Variants in PRRC2B observed in about 807,000 individuals in gnomAD.
The protein encoded by PRRC2B is proline rich coiled-coil 2B.
A neutral mutation model predicts 242.3 loss-of-function variants in PRRC2B; 68 were observed. That is an observed-to-expected ratio of 0.28 (90% CI 0.23 to 0.34). PRRC2B has a LOEUF of 0.34. Ranked by LOEUF, PRRC2B falls within the 10% of genes least tolerant of loss-of-function variation. PRRC2B has a pLI of 1.00. For missense variants in PRRC2B, 2,835 were observed against 2,954.8 expected (o/e 0.96, Z 0.94); for synonymous variants, 1,228 against 1,173.6 (o/e 1.05, Z -0.95).
intron 10 of PRRC2B, among the ~76,000 whole-genome samples, chr9:131,457,704 C>T (rs768894017): frequency 6.6e-6 from 1 of 152,088 alleles, no homozygotes; most frequent in Non-Finnish European, 1.5e-5. Context: ...TCCTTTCAGC[C>T]TGTCCTCCAT....
intron 4 of PRRC2B, among the ~76,000 whole-genome samples, chr9:131,437,386 T>C (rs748258594): frequency 1.3e-5 from 2 of 152,214 alleles, no homozygotes; most frequent in Non-Finnish European, 2.9e-5. Context: ...AAGTAATGAT[T>C]TCACCAAGCA....
upstream of PRRC2B, among the ~76,000 whole-genome samples, chr9:131,390,270 C>G (rs1158776577): frequency 6.7e-6 from 1 of 149,910 alleles, no homozygotes; most frequent in African/African-American, 2.4e-5. Context: ...AGCATGGCCC[C>G]AGAGCCTGGC....
At chr9:131,394,424 C>T (rs2131273237) in intron 1 of PRRC2B, among the ~76,000 whole-genome samples, 161 bp downstream of exon 1, 1 of 146,416 alleles carries the variant, frequency 6.8e-6, no homozygotes, top group East Asian at 2.0e-4. Flanking sequence ...GCCGCCGCCT[C>T]CTTCCCGCCG....
chr9:131,489,662 C>T (rs554436661), intron 28 of PRRC2B, among the ~76,000 whole-genome samples: 5 of 152,314 alleles, frequency 3.3e-5, no homozygotes, highest in African/African-American at 1.2e-4. Context: ...CCATGACCTC[C>T]CTTTCTGTGT....
intron 1 of PRRC2B, among the ~76,000 whole-genome samples, chr9:131,399,277 A>C (rs1837156164): frequency 1.3e-5 from 1 of 76,582 alleles, no homozygotes. Flanking sequence ...ATTCTGTCTC[A>C]AAAAAAAAAA....
intron 9 of PRRC2B, among the ~76,000 whole-genome samples, chr9:131,448,543 CAAAAA>C (rs754661321): frequency 0.017 from 672 of 39,868 alleles, 76 homozygotes; most frequent in African/African-American, 0.038. Flanking sequence ...GACACTGTCT[CAAAAA>C]AAAAAAAAAA....
Position 131,430,194 on chromosome 9 carries a change from A to G in PRRC2B, c.50A>G (p.Lys17Arg). 2 of 1,608,772 alleles carry G rather than the reference A, an allele frequency of 1.2e-6. No individual in the cohort carries two copies. Among genetic ancestry groups the G allele is most frequent in the Non-Finnish European group, 1.7e-6 (2 of 1,177,664 alleles). The change falls in exon 2 of 32, where the codon AAG (lysine) becomes AGG (arginine). Residue 17 changes from lysine (K) to arginine (R), a missense_variant. Transcript: ENST00000683519. Reference sequence around the variant, plus strand: ...ACCAAGGGCAAGGATGGGAAAAGCAAGTACTCGACTCTCAGCCTGTTTGAT... The same window carrying G: ...ACCAAGGGCAAGGATGGGAAAAGCAGGTACTCGACTCTCAGCCTGTTTGAT... ...QITKGKDGKSKYSTLSLFDKY... is the reference protein window; with the variant it reads ...QITKGKDGKSRYSTLSLFDKY...
rs769744031 is a variant in PRRC2B at position 131,467,712 on chromosome 9, C to G, written c.1870C>G (p.Leu624Val). The G allele has an allele frequency of 9.3e-6, 15 of 1,613,836 alleles. No homozygotes were observed. Among genetic ancestry groups the G allele is most frequent in the Non-Finnish European group, 1.3e-5 (15 of 1,179,882 alleles). The change falls in exon 13 of 32, where the codon CTT becomes GTT. Residue 624 changes from leucine to valine, a missense_variant. By Grantham distance (32) the Leu-to-Val change is conservative. Around this residue, in one of 7 missense-constraint regions of PRRC2B, gnomAD observed 1,536 missense variants for 1,483.1 expected, o/e 1.04. Transcript: ENST00000683519. ...PAQEFKYQKS[L>V]PPRFQRQQQQ... ...ACAGGAGTTCAAGTATCAGAAGTCC[C>G]TTCCTCCCCGATTCCAGCGCCAGCA...
chr9:131,403,310 TG>T, intron 1 of PRRC2B, among the ~76,000 whole-genome samples: 1 of 152,156 alleles, frequency 6.6e-6, no homozygotes, highest in Non-Finnish European at 1.5e-5. Context: ...TGTTTGTTTT[TG>T]GTAAAATGTT....
chr9:131,388,479 A>C (rs1045028219), intron 1 of PRRC2B, among the ~76,000 whole-genome samples: 2 of 149,514 alleles, frequency 1.3e-5, no homozygotes, highest in African/African-American at 4.9e-5. Context: ...ACCTCAGGTG[A>C]TCCGCGCACC....
intron 14 of PRRC2B, among the ~76,000 whole-genome samples, chr9:131,472,583 T>C (rs1464769096): frequency 6.6e-6 from 1 of 151,628 alleles, no homozygotes; most frequent in African/African-American, 2.4e-5. Context: ...TTCAAGCGAT[T>C]CTCCTGCCTC....
chr9:131,438,434 T>G (rs921370674), intron 4 of PRRC2B, among the ~76,000 whole-genome samples: 5 of 152,274 alleles, frequency 3.3e-5, no homozygotes, highest in African/African-American at 2.4e-5. Flanking sequence ...TGGCGAGTTT[T>G]CAGCAGAGGT....
intron 1 of PRRC2B, among the ~76,000 whole-genome samples, chr9:131,383,600 C>CTTTT (rs561717754): frequency 3.3e-5 from 4 of 120,596 alleles, no homozygotes; most frequent in Admixed American, 9.2e-5. Context: ...TTTGGTTTCT[C>CTTTT]TTTTTTTTTT....
At chr9:131,436,953 A>G (rs1838394905) in intron 4 of PRRC2B, among the ~76,000 whole-genome samples, 1 of 152,180 alleles carries the variant, frequency 6.6e-6, no homozygotes, top group Non-Finnish European at 1.5e-5. Flanking sequence ...GATACAGACT[A>G]GGATACAGGC....
intron 1 of PRRC2B, among the ~76,000 whole-genome samples, chr9:131,410,078 A>G (rs1006759423): frequency 6.6e-6 from 1 of 152,146 alleles, no homozygotes; most frequent in Non-Finnish European, 1.5e-5. Flanking sequence ...CATCTGTCCA[A>G]CTGTTCATCA....
chr9:131,429,261 T>TTGAGTGAGTGAGTGAG (rs36119236), intron 1 of PRRC2B, among the ~76,000 whole-genome samples: 118 of 151,880 alleles, frequency 7.8e-4, no homozygotes, highest in African/African-American at 2.8e-3. Flanking sequence ...GCTTAGTATT[T>TTGAGTGAGTGAGTGAG]TGAGTGAGTG....
rs538186339 is a variant in PRRC2B, at chr9:131,404,654, A to G, written c.-52+10391A>G. Among the ~76,000 whole-genome samples, 162 of 152,094 alleles carry G rather than the reference A, an allele frequency of 1.1e-3. 1 individual carries two copies. Among genetic ancestry groups the G allele is most frequent in the African/African-American group, 3.9e-3 (160 of 41,492 alleles). ...TCCCAGAAAAAAACCCACATTATCCACATGCACGTTTGTATTCTTCAAGCA... is the reference window on the plus strand; with the variant it reads ...TCCCAGAAAAAAACCCACATTATCCGCATGCACGTTTGTATTCTTCAAGCA... On this transcript the variant is annotated intron_variant, in intron 1 of 31. Transcript: ENST00000683519.
rs1020820144 is a variant in PRRC2B, at chr9:131,494,317, C to T, written c.6474-88C>T. 10 of 712,924 alleles carry T rather than the reference C, an allele frequency of 1.4e-5. No homozygotes were observed. In the African/African-American group the frequency reaches 1.6e-4, roughly 12 times the overall value. The allele number at this position is 712,924 out of a possible 1,614,324, so 44.2% of individuals were successfully genotyped here. A position where few individuals can be genotyped will look rare whatever the true frequency, so the allele number is the denominator to read the frequency against. ...CGCCTCTGGCCGCAGGCCCTTCCTT[C>T]CTTGTGCCTCCTCCATGTGCTAGGC... On this transcript the variant is annotated intron_variant, in intron 30 of 31. Transcript: ENST00000683519. This position sits in a 1 kb window ranked among gnomAD's most constrained non-coding sequence, Gnocchi z 4.3.
At chr9:131,481,265 C>T (rs4740251) in intron 19 of PRRC2B, among the ~76,000 whole-genome samples, 9,218 of 138,004 alleles carry the variant, frequency 0.067, 381 homozygotes, top group Admixed American at 0.13. Context: ...GAGTGGAGAT[C>T]GCGCCACTGC....
Sources: gnomAD v4.1 joint callset for allele counts (sites outside exome capture counted in the v4.1 genomes callset) on GRCh38, gnomAD v4.1.1 for gene constraint, gnomAD v4.1.1 regional missense constraint, Gnocchi (gnomAD v3.1) non-coding constraint, MANE v1.5 for transcripts, NCBI Gene and HGNC (gene_info 2026-07-23, HGNC 2026-07-21) for gene names.